The following SMURF1 variants were observed in gnomAD, a reference collection of about 807,000 sequenced individuals.
SMURF1 encodes the protein E3 ubiquitin-protein ligase SMURF1.
SMURF1 carries 44 observed loss-of-function variants against 98.0 expected under a neutral mutation model. The observed-to-expected ratio is 0.45, with a 90% confidence interval of 0.35 to 0.58. The LOEUF is 0.58. Among genes scored for constraint, SMURF1 ranks in the 20% least tolerant of loss-of-function variants. The pLI, the probability that SMURF1 is intolerant of heterozygous loss-of-function variation, is 0.00. For missense variants in SMURF1, 687 were observed against 938.4 expected (o/e 0.73, Z 3.50); for synonymous variants, 396 against 374.9 (o/e 1.06, Z -0.65).
chr7:99,059,398 A>AAAATAAAATAAAATAAAAT (rs1563010474), intron 3 of SMURF1, among the ~76,000 whole-genome samples: 6 of 90,006 alleles, frequency 6.7e-5, no homozygotes, highest in African/African-American at 3.1e-4. Context: ...ACTCCATCTC[A>AAAATAAAATAAAATAAAAT]AAAAAAAATA....
intron 1 of SMURF1, among the ~76,000 whole-genome samples, chr7:99,076,801 ATGTGTGCAAGTGTGCATGTGTGCACG>A (rs975430561): frequency 1.5e-4 from 23 of 152,018 alleles, no homozygotes; most frequent in African/African-American, 5.6e-4. Flanking sequence ...GTGTGTGCGC[ATGTGTGCAAGTGTGCATGTGTGCACG>A]TGTGCCCATG....
At chr7:99,032,975 C>T (rs901603013) in intron 17 of SMURF1, 62 bp downstream of exon 17, 18 of 1,412,336 alleles carry the variant, frequency 1.3e-5, no homozygotes, top group Non-Finnish European at 1.5e-5. Flanking sequence ...AAAAAAAAAA[C>T]GTGAACGTCA....
At chr7:99,072,835 T>C (rs1176352595) in intron 1 of SMURF1, among the ~76,000 whole-genome samples, 1 of 152,248 alleles carries the variant, frequency 6.6e-6, no homozygotes, top group Non-Finnish European at 1.5e-5. Context: ...TTAACGGTAT[T>C]ATTTTGCCTG....
intron 3 of SMURF1, 89 bp downstream of exon 3, chr7:99,060,507 CTTT>C (rs11311529): frequency 2.4e-4 from 136 of 567,198 alleles, no homozygotes; most frequent in South Asian, 7.2e-4. Flanking sequence ...AAAAGTCATC[CTTT>C]TTTTTTTTTT....
At chr7:99,052,838 C>T (rs553258025) in intron 6 of SMURF1, among the ~76,000 whole-genome samples, 7 of 152,138 alleles carry the variant, frequency 4.6e-5, no homozygotes, top group Non-Finnish European at 7.3e-5. Context: ...CCGAAGTGGG[C>T]AGATCACTTG....
At chr7:99,104,727 T>C (rs976622803) in intron 1 of SMURF1, among the ~76,000 whole-genome samples, 18 of 152,234 alleles carry the variant, frequency 1.2e-4, no homozygotes, top group Admixed American at 1.1e-3. Context: ...GCTAGGCATT[T>C]AAACTGCTTC....
At chr7:99,038,563 T>C in intron 13 of SMURF1, 38 bp from the exon 14 acceptor site, 1 of 1,600,718 alleles carries the variant, frequency 6.2e-7, no homozygotes, top group Admixed American at 1.7e-5. Flanking sequence ...GTTAGAACTC[T>C]GCCACCACGC....
chr7:99,066,259 G>A (rs182934142), intron 1 of SMURF1, among the ~76,000 whole-genome samples: 205 of 152,084 alleles, frequency 1.3e-3, no homozygotes, highest in Middle Eastern at 6.8e-3. Flanking sequence ...ATGAGCCTCC[G>A]ATCCCTCCCA....
chr7:99,067,948 TC>T (rs1042273093), intron 1 of SMURF1, among the ~76,000 whole-genome samples: 10 of 151,534 alleles, frequency 6.6e-5, no homozygotes, highest in African/African-American at 2.2e-4. Context: ...AACGAGACTA[TC>T]CCCCCCACCA....
At chr7:99,101,472 G>A (rs1441637599) in intron 1 of SMURF1, among the ~76,000 whole-genome samples, 1 of 151,866 alleles carries the variant, frequency 6.6e-6, no homozygotes, top group African/African-American at 2.4e-5. Context: ...ATTTGGAGCA[G>A]AGATTTAAAC....
At chr7:99,126,851 C>T (rs190853949) in intron 1 of SMURF1, among the ~76,000 whole-genome samples, 7 of 152,292 alleles carry the variant, frequency 4.6e-5, no homozygotes, top group Admixed American at 4.6e-4. Context: ...ATGAATTTCA[C>T]AGCTATTAAA....
At chr7:99,077,112 T>A (rs1014412068) in intron 1 of SMURF1, among the ~76,000 whole-genome samples, 18 of 152,158 alleles carry the variant, frequency 1.2e-4, no homozygotes, top group South Asian at 4.1e-4. Context: ...TAATACAGTA[T>A]AATTATCTTT....
chr7:99,090,261 T>C lies in SMURF1; in HGVS notation c.56-28424A>G, dbSNP rs905839615. On this transcript the variant is annotated intron_variant, in intron 1 of 17. Coordinates refer to ENST00000361368, the MANE Select transcript of SMURF1 (RefSeq NM_181349.3). ...CTAAGGTGTTTAGAGAAGGGGCCGT[T>C]TTAAACAAAGCTCTTCAGAAATGGA... Among the ~76,000 whole-genome samples, 5 of 152,124 alleles carry C rather than the reference T, an allele frequency of 3.3e-5. No homozygotes were observed. In the South Asian group the frequency reaches 1.0e-3, roughly 31 times the overall value.
chr7:99,037,598 C>A lies in SMURF1; in HGVS notation c.1689-411G>T, dbSNP rs1346651611. On this transcript the variant is annotated intron_variant, in intron 14 of 17. Coordinates refer to ENST00000361368, the MANE Select transcript of SMURF1 (RefSeq NM_181349.3). Reference sequence around the variant, plus strand: ...ATGGGAACACACTGAGCCCCCCACTCCCCGGATCTCTCCAAGACAGACAAA... The same window carrying A: ...ATGGGAACACACTGAGCCCCCCACTACCCGGATCTCTCCAAGACAGACAAA... Among the ~76,000 whole-genome samples the A allele has an allele frequency of 3.3e-5, 5 of 152,324 alleles. No homozygotes were observed. In the East Asian group the frequency reaches 9.7e-4, roughly 29 times the overall value.
chr7:99,059,489 C>G (rs1360741573), intron 3 of SMURF1, among the ~76,000 whole-genome samples: 1 of 150,988 alleles, frequency 6.6e-6, no homozygotes, highest in Non-Finnish European at 1.5e-5. Flanking sequence ...AAGTACAATC[C>G]AGTTTTTGAA....
At position 99,139,001 on chromosome 7, in the gene SMURF1, T is replaced by G. The variant is rs549659311; in HGVS notation, c.55+4725A>C. ...AGGGAGCTAAAAACTGACCACTTAT[T>G]CCATCTTATCACAGCAACTGTGTTA... On this transcript the variant is annotated intron_variant, in intron 1 of 17. Coordinates refer to ENST00000361368, the MANE Select transcript of SMURF1 (RefSeq NM_181349.3). 2.0e-5 allele frequency among the ~76,000 whole-genome samples: 3 copies of G among 152,316 alleles called. No homozygotes were observed. The South Asian group carries it at 6.2e-4, about 32-fold the overall frequency.
chr7:99,111,825 C>T (rs1797330310), intron 1 of SMURF1, among the ~76,000 whole-genome samples: 1 of 152,126 alleles, frequency 6.6e-6, no homozygotes, highest in South Asian at 2.1e-4. Flanking sequence ...ACTGATTTGA[C>T]CTGTCTAGTG....
chr7:99,123,724 C>T (rs1797691704), intron 1 of SMURF1, among the ~76,000 whole-genome samples: 1 of 152,090 alleles, frequency 6.6e-6, no homozygotes, highest in Admixed American at 6.6e-5. Flanking sequence ...AACATGAGAG[C>T]TCCTAACTGA....
chr7:99,036,703 A>G (rs1256032246), intron 15 of SMURF1, among the ~76,000 whole-genome samples: 1 of 152,162 alleles, frequency 6.6e-6, no homozygotes, highest in Non-Finnish European at 1.5e-5. Flanking sequence ...TAGGCTAGGA[A>G]GAGCCAGAAT....
Sources: gnomAD v4.1 joint callset for allele counts (sites outside exome capture counted in the v4.1 genomes callset) on GRCh38, gnomAD v4.1.1 for gene constraint, MANE v1.5 for transcripts, NCBI Gene and HGNC (gene_info 2026-07-23, HGNC 2026-07-21) for gene names.